Variants in CUL1 observed in about 807,000 individuals in gnomAD.
CUL1 encodes cullin 1.
Under a neutral mutation model 118.0 loss-of-function variants are expected in CUL1, and 24 were observed. The ratio of observed to expected loss-of-function variants is 0.20; its 90% CI spans 0.15 to 0.29. The LOEUF (loss-of-function observed/expected upper bound fraction) is 0.29, where lower values mean the gene tolerates loss of function less well. Among genes scored for constraint, CUL1 ranks in the 10% least tolerant of loss-of-function variants. CUL1 has a pLI of 1.00. For synonymous variants in CUL1, 332 were observed against 340.4 expected, an observed-to-expected ratio of 0.98 and a Z score of 0.27; for missense variants, 361 against 933.8, an observed-to-expected ratio of 0.39 and a Z score of 7.99.
chr7:148,758,992 T>C (rs1239911353), intron 4 of CUL1, among the ~76,000 whole-genome samples: 1 of 152,212 alleles, frequency 6.6e-6, no homozygotes, highest in Non-Finnish European at 1.5e-5. Context: ...TTGACCTAAA[T>C]GTGTACCTTA....
In CUL1 at chr7:148,798,155, TG is replaced by T. The variant is rs1293915373; in HGVS notation, c.2030+137del. 8 of 578,238 alleles carry T rather than the reference TG, an allele frequency of 1.4e-5. No individual in the cohort carries two copies. In the African/African-American group the frequency reaches 1.5e-4, roughly 11 times the overall value. 35.8% of individuals were successfully genotyped at this position (578,238 alleles called of 1,614,324 possible). On this transcript the variant is annotated intron_variant, in intron 19 of 21. Transcript: ENST00000325222. ...GAAGCGACAGGCACTAGGCTGGGAG[TG>T]TGAGGTAGGCCTTTGATTCCATTCA...
At chr7:148,746,906 C>T (rs912870519) in intron 2 of CUL1, among the ~76,000 whole-genome samples, 7 of 152,156 alleles carry the variant, frequency 4.6e-5, no homozygotes, top group Admixed American at 2.0e-4. Flanking sequence ...TTAAAAGCTG[C>T]GTACTCTATC....
At chr7:148,776,834 T>A (rs547902649) in intron 9 of CUL1, among the ~76,000 whole-genome samples, 1 of 152,318 alleles carries the variant, frequency 6.6e-6, no homozygotes, top group Admixed American at 6.5e-5. Flanking sequence ...CTCTTTCCTG[T>A]CCATCCTCAC....
rs370130960 is a variant in CUL1 at position 148,735,362 on chromosome 7, G to A, written c.140+5100G>A. ...CTGCACCTGCCAGTTGAGCAGTCCCGTCTTGGCTGCCGCCACCACTCTTTT... is the reference window on the plus strand; with the variant it reads ...CTGCACCTGCCAGTTGAGCAGTCCCATCTTGGCTGCCGCCACCACTCTTTT... On this transcript the variant is annotated intron_variant, in intron 2 of 21. Coordinates refer to ENST00000325222, the MANE Select transcript of CUL1 (RefSeq NM_003592.3). Among the ~76,000 whole-genome samples the A allele has an allele frequency of 1.4e-4, 21 of 152,320 alleles. No individual in the cohort carries two copies. The South Asian group carries it at 3.9e-3, about 29-fold the overall frequency.
intron 2 of CUL1, among the ~76,000 whole-genome samples, chr7:148,751,853 G>T (rs774941201): frequency 2.0e-5 from 3 of 152,104 alleles, no homozygotes; most frequent in African/African-American, 4.8e-5. Flanking sequence ...GGTGGCTCAC[G>T]CCTGTAATCC....
chr7:148,727,091 A>G (rs1286494330), intron 1 of CUL1, among the ~76,000 whole-genome samples: 1 of 152,206 alleles, frequency 6.6e-6, no homozygotes, highest in Non-Finnish European at 1.5e-5. Context: ...TACCATTAAG[A>G]GTAAATAATG....
intron 11 of CUL1, 108 bp downstream of exon 11, chr7:148,784,185 G>A: frequency 1.1e-6 from 1 of 883,352 alleles, no homozygotes; most frequent in East Asian, 2.6e-5. Context: ...TGGAATTTTT[G>A]TACCTTATGA....
chr7:148,730,354 C>T lies in CUL1; in HGVS notation c.140+92C>T, dbSNP rs1798718983. 4.5e-6 allele frequency: 6 copies of T among 1,333,924 alleles called. No homozygotes were observed. The South Asian group carries it at 7.6e-5, about 17-fold the overall frequency. 82.6% of individuals were successfully genotyped at this position (1,333,924 alleles called of 1,614,324 possible). A position where few individuals can be genotyped will look rare whatever the true frequency, so the allele number is the denominator to read the frequency against. On this transcript the variant is annotated intron_variant, in intron 2 of 21. Coordinates refer to ENST00000325222, the MANE Select transcript of CUL1 (RefSeq NM_003592.3). ...TTATTAGAATTTTATATTGTTTTCTCCTCCCAGTTCATCATGTAAAATAAT... is the reference window on the plus strand; with the variant it reads ...TTATTAGAATTTTATATTGTTTTCTTCTCCCAGTTCATCATGTAAAATAAT...
At chr7:148,756,097 C>T (rs1022519770) in intron 3 of CUL1, among the ~76,000 whole-genome samples, 15 of 152,196 alleles carry the variant, frequency 9.9e-5, no homozygotes, top group African/African-American at 3.4e-4. Context: ...TCCGGTTAGT[C>T]TCCTTCAAAT....
intron 9 of CUL1, among the ~76,000 whole-genome samples, chr7:148,777,720 GGGA>G (rs1428749972): frequency 6.6e-6 from 1 of 151,986 alleles, no homozygotes; most frequent in Non-Finnish European, 1.5e-5. Context: ...GAGGCTTTGG[GGGA>G]GGAGCATTTT....
intron 20 of CUL1, among the ~76,000 whole-genome samples, chr7:148,798,896 G>A (rs1194301245): frequency 6.6e-6 from 1 of 152,202 alleles, no homozygotes; most frequent in Non-Finnish European, 1.5e-5. Context: ...TGCTCTAAAT[G>A]TTGGAAAGCA....
intron 2 of CUL1, among the ~76,000 whole-genome samples, chr7:148,742,598 G>GTTTTT (rs59592789): frequency 2.7e-5 from 3 of 112,162 alleles, no homozygotes; most frequent in East Asian, 2.6e-4. Context: ...ACCTTTTCTG[G>GTTTTT]TTTTTTTTTT....
At chr7:148,727,403 T>A (rs770936218) in intron 1 of CUL1, among the ~76,000 whole-genome samples, 9 of 152,338 alleles carry the variant, frequency 5.9e-5, no homozygotes, top group Non-Finnish European at 1.2e-4. Context: ...TATTCCTAAA[T>A]CTTTTTAAGA....
chr7:148,787,076 A>G lies in CUL1; in HGVS notation c.1435A>G (p.Ser479Gly). The change falls in exon 13 of 22, where the codon AGT becomes GGT. Residue 479 changes from serine to glycine, a missense_variant. Transcript: ENST00000325222. This position sits in a 1 kb window ranked among gnomAD's most constrained non-coding sequence, Gnocchi z 5.5. ...MLAKRLVHQN[S>G]ASDDAEASMI... ...CGCCAAGAGGCTCGTCCACCAGAAC[A>G]GTGCAAGTGACGATGCCGAAGCCAG... 1 of 1,613,962 alleles carries G rather than the reference A, an allele frequency of 6.2e-7. No homozygotes were observed.
intron 1 of CUL1, among the ~76,000 whole-genome samples, chr7:148,709,994 G>A (rs545606783): frequency 6.6e-6 from 1 of 152,044 alleles, no homozygotes; most frequent in South Asian, 2.1e-4. Flanking sequence ...GAGGTGGGGG[G>A]ATCGCTTGAG....
chr7:148,766,620 A>G lies in CUL1; in HGVS notation c.849A>G (p.Thr283=). The change falls in exon 8 of 22, where the codon ACA becomes ACG. Residue 283 remains threonine (T), a synonymous_variant. Transcript: ENST00000325222. ...TTCAGGTTTACCTTCATGAAAGCACACAAGATGAATTAGCAAGGAAATGTG... is the reference window on the plus strand; with the variant it reads ...TTCAGGTTTACCTTCATGAAAGCACGCAAGATGAATTAGCAAGGAAATGTG... ...RRVQVYLHES[T]QDELARKCEQ... 1 of 1,614,086 alleles carries G rather than the reference A, an allele frequency of 6.2e-7. No homozygotes were observed. Among genetic ancestry groups the G allele is most frequent in the Non-Finnish European group, 8.5e-7 (1 of 1,179,988 alleles).
chr7:148,713,752 C>T (rs1332621299), intron 1 of CUL1, among the ~76,000 whole-genome samples: 2 of 151,928 alleles, frequency 1.3e-5, no homozygotes, highest in African/African-American at 2.4e-5. Context: ...GAGATGGAGT[C>T]TCATTCTGTC....
chr7:148,740,145 C>T (rs1303318867), intron 2 of CUL1, among the ~76,000 whole-genome samples: 1 of 151,864 alleles, frequency 6.6e-6, no homozygotes, highest in Non-Finnish European at 1.5e-5. Flanking sequence ...CTCCACCTCG[C>T]AGGTTCAAGT....
chr7:148,766,108 T>TA (rs1357107412), intron 7 of CUL1, among the ~76,000 whole-genome samples: 1 of 152,232 alleles, frequency 6.6e-6, no homozygotes, highest in East Asian at 1.9e-4. Context: ...TTGTTTACCG[T>TA]AAAATCAAAG....
Sources: gnomAD v4.1 joint callset for allele counts (sites outside exome capture counted in the v4.1 genomes callset) on GRCh38, gnomAD v4.1.1 for gene constraint, Gnocchi (gnomAD v3.1) non-coding constraint, MANE v1.5 for transcripts, NCBI Gene and HGNC (gene_info 2026-07-23, HGNC 2026-07-21) for gene names.